Variants in OR1B1 observed in about 807,000 individuals in gnomAD.
OR1B1 encodes the protein olfactory receptor 1B1.
For synonymous variants in OR1B1, 168 were observed against 156.2 expected (o/e 1.08, Z -0.57); for missense variants, 414 against 402.1 (o/e 1.03, Z -0.25).
the OR1B1 span, among the ~76,000 whole-genome samples, chr9:122,650,659 G>A: frequency 6.6e-6 from 1 of 151,964 alleles, no homozygotes; most frequent in African/African-American, 2.4e-5. Flanking sequence ...CATGGCTATT[G>A]CAACAAAGAA....
At chr9:122,656,415 C>A in the OR1B1 span, among the ~76,000 whole-genome samples, 2 of 152,000 alleles carry the variant, frequency 1.3e-5, no homozygotes, top group African/African-American at 2.4e-5. Context: ...TCTCATGAAC[C>A]CTTGGAGGGC....
chr9:122,632,791 T>C (rs1830215563), upstream of OR1B1, among the ~76,000 whole-genome samples: 1 of 152,138 alleles, frequency 6.6e-6, no homozygotes, highest in Admixed American at 6.5e-5. Context: ...TTGTATTAGT[T>C]TGTTTTCACC....
At chr9:122,635,930 G>A in the OR1B1 span, among the ~76,000 whole-genome samples, 1 of 152,168 alleles carries the variant, frequency 6.6e-6, no homozygotes, top group Non-Finnish European at 1.5e-5. Context: ...AGAAAATCAG[G>A]AAATAATATT....
the OR1B1 span, among the ~76,000 whole-genome samples, chr9:122,641,748 G>A: frequency 6.6e-6 from 1 of 152,116 alleles, no homozygotes; most frequent in Non-Finnish European, 1.5e-5. Flanking sequence ...ACATTTTGTA[G>A]TCTCACCACA....
At chr9:122,644,505 ATC>A in the OR1B1 span, among the ~76,000 whole-genome samples, 9 of 152,234 alleles carry the variant, frequency 5.9e-5, no homozygotes, top group Admixed American at 6.5e-5. Flanking sequence ...CAGATAGCAT[ATC>A]TAGACATGCA....
chr9:122,641,022 C>T, the OR1B1 span, among the ~76,000 whole-genome samples: 15 of 151,972 alleles, frequency 9.9e-5, no homozygotes, highest in African/African-American at 2.7e-4. Context: ...TATAAGCAAA[C>T]GGGCTTGTGA....
the OR1B1 span, among the ~76,000 whole-genome samples, chr9:122,649,564 C>A: frequency 6.6e-6 from 1 of 151,878 alleles, no homozygotes; most frequent in Non-Finnish European, 1.5e-5. Flanking sequence ...AAGAAAAAAA[C>A]AACCCCATCA....
At chr9:122,629,501 G>T (rs543380400) in exon 1 of OR1B1, 1 of 1,593,794 alleles carries the variant, frequency 6.3e-7, no homozygotes, top group Non-Finnish European at 8.6e-7. Context: ...CAAAAAAACC[G>T]GAGAGTGTGA....
chr9:122,641,896 TAAA>T, the OR1B1 span, among the ~76,000 whole-genome samples: 1 of 152,120 alleles, frequency 6.6e-6, no homozygotes, highest in Non-Finnish European at 1.5e-5. Context: ...ATAATTTTTT[TAAA>T]AAAGATCTTT....
At chr9:122,655,186 AAAAG>A in the OR1B1 span, among the ~76,000 whole-genome samples, 1,709 of 152,324 alleles carry the variant, frequency 0.011, 28 homozygotes, top group African/African-American at 0.039. Flanking sequence ...TTTTAATATC[AAAAG>A]AAAGAATGTG....
exon 1 of OR1B1, chr9:122,629,138 T>A: frequency 6.2e-7 from 1 of 1,614,052 alleles, no homozygotes. Flanking sequence ...CAAAGCATAG[T>A]GCAGGGGGTC....
At chr9:122,653,757 G>C in the OR1B1 span, among the ~76,000 whole-genome samples, 4 of 152,112 alleles carry the variant, frequency 2.6e-5, no homozygotes, top group Non-Finnish European at 5.9e-5. Context: ...GGAGAGAGGG[G>C]TTTTAAGTGG....
At chr9:122,656,058 CT>C in the OR1B1 span, among the ~76,000 whole-genome samples, 3 of 152,030 alleles carry the variant, frequency 2.0e-5, no homozygotes, top group East Asian at 5.8e-4. Flanking sequence ...AATGGGTATA[CT>C]AATAGGATCT....
the OR1B1 span, among the ~76,000 whole-genome samples, chr9:122,655,656 G>A: frequency 4.1e-3 from 609 of 149,504 alleles, 9 homozygotes; most frequent in African/African-American, 0.015. Context: ...CATGGACACA[G>A]GGAGGGGAAT....
chr9:122,633,707 A>T (rs1830226727), upstream of OR1B1, among the ~76,000 whole-genome samples: 1 of 152,110 alleles, frequency 6.6e-6, no homozygotes, highest in Non-Finnish European at 1.5e-5. Context: ...AGGCAGGCAG[A>T]TCACTTGAGG....
upstream of OR1B1, among the ~76,000 whole-genome samples, chr9:122,629,950 A>G (rs886470243): frequency 2.0e-5 from 3 of 152,228 alleles, no homozygotes; most frequent in Non-Finnish European, 4.4e-5. Context: ...TGCAATCCTC[A>G]TGATGTCTTC....
chr9:122,635,259 C>T, the OR1B1 span, among the ~76,000 whole-genome samples: 3 of 152,024 alleles, frequency 2.0e-5, no homozygotes, highest in Admixed American at 6.6e-5. Context: ...GTGAGATAAG[C>T]CAGGCACAGA....
At chr9:122,630,775 T>A (rs1295146586), upstream of OR1B1, among the ~76,000 whole-genome samples, 1 of 152,200 alleles carries the variant, frequency 6.6e-6, no homozygotes, top group African/African-American at 2.4e-5. Context: ...TGGCTTGATC[T>A]TGGCTCACTG....
the OR1B1 span, among the ~76,000 whole-genome samples, chr9:122,643,762 A>G: frequency 3.3e-5 from 5 of 152,228 alleles, no homozygotes; most frequent in African/African-American, 1.2e-4. Context: ...TTTGTCTTGC[A>G]TCTTGGGTAC....
Sources: allele counts gnomAD v4.1 joint callset (sites outside exome capture counted in the v4.1 genomes callset), GRCh38; gene constraint gnomAD v4.1.1; transcripts MANE v1.5; gene names NCBI Gene and HGNC (gene_info 2026-07-23, HGNC 2026-07-21).